Variants in SYT14 observed in about 807,000 individuals in gnomAD.
SYT14 encodes synaptotagmin-14.
In SYT14, 32 loss-of-function variants were observed where a neutral mutation model predicts 74.2. The ratio of observed to expected loss-of-function variants is 0.43; its 90% CI spans 0.33 to 0.58. The LOEUF is 0.58. Ranked by LOEUF, SYT14 falls within the 20% of genes least tolerant of loss-of-function variation. The pLI, the probability that SYT14 is intolerant of heterozygous loss-of-function variation, is 0.05. For synonymous variants in SYT14, 298 were observed against 337.7 expected (o/e 0.88, Z 1.29); for missense variants, 791 against 981.8 (o/e 0.81, Z 2.60).
At chr1:209,946,442 G>A (rs995441389) in intron 1 of SYT14, among the ~76,000 whole-genome samples, 1 of 152,234 alleles carries the variant, frequency 6.6e-6, no homozygotes, top group African/African-American at 2.4e-5. Context: ...CCTTATTGCT[G>A]ATATGGAGAA....
chr1:209,969,738 C>G (rs1470682889), intron 2 of SYT14, among the ~76,000 whole-genome samples: 1 of 152,074 alleles, frequency 6.6e-6, no homozygotes, highest in Admixed American at 6.5e-5. Context: ...CTTGGCCTCC[C>G]AAAGTACTGG....
chr1:210,132,184 G>A (rs1324912464), intron 7 of SYT14, among the ~76,000 whole-genome samples: 1 of 152,016 alleles, frequency 6.6e-6, no homozygotes. Flanking sequence ...CCCAGGCAAG[G>A]CCATCCCTCT....
At chr1:209,961,972 TG>T (rs2079082136) in intron 2 of SYT14, among the ~76,000 whole-genome samples, 1 of 152,086 alleles carries the variant, frequency 6.6e-6, no homozygotes, top group African/African-American at 2.4e-5. Context: ...AATCTTTGGG[TG>T]TTGGCATATA....
intron 2 of SYT14, chr1:209,965,874 C>T (rs768002033): frequency 6.3e-5 from 28 of 446,134 alleles, no homozygotes; most frequent in African/African-American, 5.3e-4. Context: ...TATTTTTGAA[C>T]TTCTTTTTTT....
intron 7 of SYT14, among the ~76,000 whole-genome samples, chr1:210,131,984 T>C (rs2082683282): frequency 6.6e-6 from 1 of 152,036 alleles, no homozygotes; most frequent in South Asian, 2.1e-4. Context: ...CCTTGGGCTC[T>C]GACATCCCAC....
At chr1:209,950,239 T>C (rs1377351090) in intron 1 of SYT14, among the ~76,000 whole-genome samples, 1 of 152,196 alleles carries the variant, frequency 6.6e-6, no homozygotes, top group South Asian at 2.1e-4. Context: ...GAATAAGCCT[T>C]AATATGTATG....
chr1:209,970,076 C>T (rs2079222730), intron 2 of SYT14, among the ~76,000 whole-genome samples: 2 of 151,970 alleles, frequency 1.3e-5, no homozygotes, highest in African/African-American at 4.8e-5. Flanking sequence ...TGATGTAGTC[C>T]CATTTGTCTA....
intron 7 of SYT14, among the ~76,000 whole-genome samples, chr1:210,149,645 T>A (rs1479571371): frequency 6.6e-6 from 1 of 152,234 alleles, no homozygotes; most frequent in Non-Finnish European, 1.5e-5. Flanking sequence ...TATGTAGTGC[T>A]TAGGAAAGAA....
intron 7 of SYT14, among the ~76,000 whole-genome samples, chr1:210,105,564 C>T (rs1161018818): frequency 6.6e-6 from 1 of 152,202 alleles, no homozygotes; most frequent in Non-Finnish European, 1.5e-5. Context: ...GCATAATCTA[C>T]CCTGGCTGAT....
chr1:210,125,947 G>A (rs1246040920), intron 7 of SYT14, among the ~76,000 whole-genome samples: 1 of 152,150 alleles, frequency 6.6e-6, no homozygotes, highest in Admixed American at 6.5e-5. Context: ...GCCCATGCCT[G>A]TAATCCCAGC....
chr1:210,064,156 T>C (rs2081256635), intron 5 of SYT14, among the ~76,000 whole-genome samples: 1 of 152,072 alleles, frequency 6.6e-6, no homozygotes, highest in Admixed American at 6.6e-5. Context: ...TCATAATATA[T>C]GCCTTTTTGT....
intron 5 of SYT14, among the ~76,000 whole-genome samples, chr1:210,071,008 C>T (rs1215760524): frequency 7.2e-6 from 1 of 138,620 alleles, no homozygotes; most frequent in Non-Finnish European, 1.5e-5. Context: ...TTGATAAAAA[C>T]TTCAGACATG....
At chr1:210,084,725 G>A (rs574900768) in intron 5 of SYT14, among the ~76,000 whole-genome samples, 5 of 152,158 alleles carry the variant, frequency 3.3e-5, no homozygotes, top group Admixed American at 6.5e-5. Context: ...AAGAGCATTC[G>A]TAGGTTAAAG....
At chr1:210,042,664 G>T (rs956848704) in intron 5 of SYT14, among the ~76,000 whole-genome samples, 9 of 152,154 alleles carry the variant, frequency 5.9e-5, no homozygotes, top group Non-Finnish European at 2.9e-5. Context: ...AAGATCAGAT[G>T]GTTGTAGATG....
chr1:210,089,768 G>A (rs865835335), intron 5 of SYT14, among the ~76,000 whole-genome samples: 78 of 152,240 alleles, frequency 5.1e-4, no homozygotes, highest in African/African-American at 1.8e-3. Flanking sequence ...CAGATTCTTG[G>A]TGTTTTGAAC....
chr1:210,099,795 G>C (rs1339392442), intron 6 of SYT14, among the ~76,000 whole-genome samples: 1 of 152,160 alleles, frequency 6.6e-6, no homozygotes, highest in African/African-American at 2.4e-5. Flanking sequence ...TTCTAAACGT[G>C]TCTTTATTAT....
intron 1 of SYT14, among the ~76,000 whole-genome samples, chr1:209,939,904 G>A (rs866920291): frequency 3.3e-5 from 5 of 152,246 alleles, no homozygotes; most frequent in South Asian, 2.1e-4. Context: ...TGGCAGTTAA[G>A]TGTTACTGAT....
At chr1:209,946,590 G>C (rs2078826763) in intron 1 of SYT14, among the ~76,000 whole-genome samples, 1 of 152,198 alleles carries the variant, frequency 6.6e-6, no homozygotes, top group Non-Finnish European at 1.5e-5. Flanking sequence ...AAAAGTTGGA[G>C]GCCAGCAGAG....
At chr1:210,082,274 T>A (rs2081630395) in intron 5 of SYT14, among the ~76,000 whole-genome samples, 1 of 152,186 alleles carries the variant, frequency 6.6e-6, no homozygotes, top group African/African-American at 2.4e-5. Flanking sequence ...GTCTTTCTCC[T>A]CCCAAGTCCA....
Sources: gnomAD v4.1 joint callset for allele counts (sites outside exome capture counted in the v4.1 genomes callset) on GRCh38, gnomAD v4.1.1 for gene constraint, MANE v1.5 for transcripts, NCBI Gene and HGNC (gene_info 2026-07-23, HGNC 2026-07-21) for gene names.